ARHGAP44: variants seen among roughly 807,000 people sequenced by gnomAD.
ARHGAP44 encodes the protein rho GTPase-activating protein 44.
Under a neutral mutation model 106.8 loss-of-function variants are expected in ARHGAP44, and 43 were observed. That is an observed-to-expected ratio of 0.40 (90% CI 0.32 to 0.52). The LOEUF is 0.52. Ranked by LOEUF, ARHGAP44 falls within the 20% of genes least tolerant of loss-of-function variation. The probability of loss-of-function intolerance (pLI) is 0.48; values close to 1 mark genes in which losing one functional copy is unlikely to be tolerated. For missense variants in ARHGAP44, 866 were observed against 1,050.5 expected, an observed-to-expected ratio of 0.82 and a Z score of 2.43; for synonymous variants, 439 against 410.3, an observed-to-expected ratio of 1.07 and a Z score of -0.85.
intron 1 of ARHGAP44, among the ~76,000 whole-genome samples, chr17:12,887,986 T>A (rs988567368): frequency 6.6e-6 from 1 of 152,048 alleles, no homozygotes; most frequent in African/African-American, 2.4e-5. Context: ...CCTGCTTCAT[T>A]CCTATTGTTG....
At chr17:12,971,568 C>T (rs2039528085) in intron 16 of ARHGAP44, among the ~76,000 whole-genome samples, 1 of 152,154 alleles carries the variant, frequency 6.6e-6, no homozygotes, top group Admixed American at 6.5e-5. Context: ...CTGAAGCCTG[C>T]AGACCACAGT....
At chr17:12,919,708 A>G (rs1351963289) in intron 5 of ARHGAP44, 47 bp from the exon 6 acceptor site, 2 of 1,546,888 alleles carry the variant, frequency 1.3e-6, no homozygotes, top group Non-Finnish European at 1.8e-6. Context: ...TAAAGAATTT[A>G]TCTTGAGCTT....
At chr17:12,971,019 G>C (rs75859092) in intron 16 of ARHGAP44, among the ~76,000 whole-genome samples, 1,549 of 152,330 alleles carry the variant, frequency 0.01, 31 homozygotes, top group African/African-American at 0.035. Flanking sequence ...GAAAATGTCA[G>C]TGAACATTTG....
intron 1 of ARHGAP44, among the ~76,000 whole-genome samples, chr17:12,877,617 G>A (rs932414857): frequency 1.3e-4 from 20 of 152,100 alleles, no homozygotes; most frequent in African/African-American, 4.8e-4. Context: ...GGGCGAGGTG[G>A]CGGGCGTCTG....
rs565113308 is a variant in ARHGAP44, at chr17:12,795,797, G to A, written c.53+5906G>A. 3.9e-5 allele frequency among the ~76,000 whole-genome samples: 6 copies of A among 152,128 alleles called. 1 individual carries two copies. The highest frequency in any genetic ancestry group is 9.6e-5 in the African/African-American group (4 of 41,486). On this transcript the variant is annotated intron_variant, in intron 1 of 20. Coordinates refer to ENST00000379672, the MANE Select transcript of ARHGAP44 (RefSeq NM_014859.6). ...GTCAGAGAGTCAGGCCTCTTCCCTC[G>A]GGCGTGGGGCATCCAATTGAGCTGG...
intron 16 of ARHGAP44, among the ~76,000 whole-genome samples, chr17:12,965,195 A>G (rs1428785316): frequency 2.0e-5 from 3 of 152,100 alleles, no homozygotes; most frequent in African/African-American, 4.8e-5. Flanking sequence ...TGCCACGGAG[A>G]TCCAGCTACC....
rs541944031 is a variant in ARHGAP44, at chr17:12,847,147, G to A, written c.54-47793G>A. On this transcript the variant is annotated intron_variant, in intron 1 of 20. Transcript: ENST00000379672. Reference sequence around the variant, plus strand: ...TTAAGTTCTTTAAAATAATAATTAGGCATAGCAGTATAGGCTGATTTGCTA... The same window carrying A: ...TTAAGTTCTTTAAAATAATAATTAGACATAGCAGTATAGGCTGATTTGCTA... Among the ~76,000 whole-genome samples the A allele has an allele frequency of 1.1e-4, 16 of 152,226 alleles. No individual in the cohort carries two copies. In the East Asian group the frequency reaches 3.1e-3, roughly 29 times the overall value.
rs780981692 is a variant in ARHGAP44 at position 12,928,984 on chromosome 17, G to A, written c.520G>A (p.Ala174Thr). Reference sequence around the variant, plus strand: ...GTCCAGCAGCTTACAGCCTGCGGGTGCCAAGGCTGATGCCCTCAGGGAAGA... The same window carrying A: ...GTCCAGCAGCTTACAGCCTGCGGGTACCAAGGCTGATGCCCTCAGGGAAGA... ...GLSSSLQPAG[A>T]KADALREEME... Residue 174 changes from alanine (A) to threonine (T), a missense_variant, in exon 7 of 21, where the codon GCC becomes ACC. Ala to Thr is a moderately conservative substitution (Grantham distance 58). Coordinates refer to ENST00000379672, the MANE Select transcript of ARHGAP44 (RefSeq NM_014859.6). 6.2e-7 allele frequency: 1 copy of A among 1,613,588 alleles called. No homozygotes were observed. The highest frequency in any genetic ancestry group is 8.5e-7 in the Non-Finnish European group (1 of 1,179,710).
chr17:12,797,995 TACTC>T (rs2033975102), intron 1 of ARHGAP44, among the ~76,000 whole-genome samples: 2 of 152,176 alleles, frequency 1.3e-5, no homozygotes, highest in Non-Finnish European at 2.9e-5. Context: ...TATTTTTTCT[TACTC>T]TTTGTTGCTG....
chr17:12,962,478 T>C (rs547483205), intron 16 of ARHGAP44, among the ~76,000 whole-genome samples: 1 of 152,342 alleles, frequency 6.6e-6, no homozygotes, highest in South Asian at 2.1e-4. Context: ...TCTTTGAATA[T>C]GTGATTAAAA....
At chr17:12,931,841 TACACACACACACAC>T (rs10522083) in intron 7 of ARHGAP44, among the ~76,000 whole-genome samples, 1,558 of 146,408 alleles carry the variant, frequency 0.011, 40 homozygotes, top group South Asian at 0.096. Flanking sequence ...ACAGTAGGGA[TACACACACACACAC>T]ACACACACAC....
chr17:12,895,103 C>A, intron 2 of ARHGAP44, 124 bp downstream of exon 2: 1 of 798,600 alleles, frequency 1.3e-6, no homozygotes, highest in Non-Finnish European at 2.0e-6. Context: ...TACACTCCAG[C>A]CTGGCGATAC....
chr17:12,811,087 C>A (rs561968820), intron 1 of ARHGAP44, among the ~76,000 whole-genome samples: 3 of 151,956 alleles, frequency 2.0e-5, no homozygotes, highest in Non-Finnish European at 4.4e-5. Flanking sequence ...CTGAGACGGG[C>A]GGATCACGAG....
At chr17:12,891,951 A>G (rs1333632308) in intron 1 of ARHGAP44, among the ~76,000 whole-genome samples, 4 of 145,852 alleles carry the variant, frequency 2.7e-5, no homozygotes, top group Non-Finnish European at 6.0e-5. Flanking sequence ...GCGCACCACC[A>G]CGCCCGGCTA....
At chr17:12,879,360 A>C (rs2036650506) in intron 1 of ARHGAP44, among the ~76,000 whole-genome samples, 3 of 151,746 alleles carry the variant, frequency 2.0e-5, no homozygotes, top group Admixed American at 2.0e-4. Flanking sequence ...TTCTTTATCC[A>C]CTCATTGATC....
At chr17:12,855,920 G>A (rs9911058) in intron 1 of ARHGAP44, among the ~76,000 whole-genome samples, 245 of 152,274 alleles carry the variant, frequency 1.6e-3, no homozygotes, top group African/African-American at 5.7e-3. Context: ...CATGCTTGTG[G>A]TCGAGCTCCA....
intron 2 of ARHGAP44, 44 bp from the exon 3 acceptor site, chr17:12,896,363 A>G (rs1313141158): frequency 4.6e-6 from 7 of 1,522,460 alleles, no homozygotes; most frequent in Non-Finnish European, 6.3e-6. Flanking sequence ...TCCTCCCCTG[A>G]CCTTGCCCTC....
At chr17:12,824,666 A>G (rs973446367) in intron 1 of ARHGAP44, among the ~76,000 whole-genome samples, 1 of 152,128 alleles carries the variant, frequency 6.6e-6, no homozygotes, top group Non-Finnish European at 1.5e-5. Context: ...CCCCAGGATA[A>G]TAATTATTTT....
chr17:12,865,806 A>AC, intron 1 of ARHGAP44, among the ~76,000 whole-genome samples: 1 of 151,148 alleles, frequency 6.6e-6, no homozygotes, highest in East Asian at 1.9e-4. Flanking sequence ...AAAAAAAAAA[A>AC]GGAAATCAGT....
Sources: allele counts gnomAD v4.1 joint callset (sites outside exome capture counted in the v4.1 genomes callset), GRCh38; gene constraint gnomAD v4.1.1; transcripts MANE v1.5; gene names NCBI Gene and HGNC (gene_info 2026-07-23, HGNC 2026-07-21).